The following PXN variants were observed in gnomAD, a reference collection of about 807,000 sequenced individuals.
The protein encoded by PXN is paxillin.
A neutral mutation model predicts 103.6 loss-of-function variants in PXN; 61 were observed. That is an observed-to-expected ratio of 0.59 (90% CI 0.48 to 0.73). The LOEUF is 0.73. Ranked by LOEUF, PXN falls within the 30% of genes least tolerant of loss-of-function variation. The pLI is 0.00. For synonymous variants in PXN, 562 were observed against 607.8 expected (o/e 0.92, Z 1.11); for missense variants, 1,274 against 1,460.3 (o/e 0.87, Z 2.08).
At chr12:120,257,005 G>T (rs1217663307) in intron 1 of PXN, among the ~76,000 whole-genome samples, 2 of 152,184 alleles carry the variant, frequency 1.3e-5, no homozygotes, top group Non-Finnish European at 2.9e-5. Context: ...ACAGGCATGA[G>T]CCACCGCGCC....
intron 1 of PXN, among the ~76,000 whole-genome samples, chr12:120,244,964 C>T (rs991428118): frequency 6.6e-6 from 1 of 152,040 alleles, no homozygotes; most frequent in African/African-American, 2.4e-5. Context: ...GCCTATCTGG[C>T]TTCCTTTGTG....
chr12:120,262,459 T>C (rs1425303054), intron 1 of PXN, among the ~76,000 whole-genome samples: 1 of 152,208 alleles, frequency 6.6e-6, no homozygotes, highest in Non-Finnish European at 1.5e-5. Context: ...CTTATGATGA[T>C]TAAGATAACC....
intron 1 of PXN, among the ~76,000 whole-genome samples, chr12:120,243,286 G>T (rs185629105): frequency 6.1e-4 from 93 of 152,282 alleles, no homozygotes; most frequent in Non-Finnish European, 1.2e-3. Flanking sequence ...AAAAAGCAAC[G>T]TGTTGCTTTT....
At chr12:120,238,838 T>TGAAGGAAGTA (rs1889617176) in intron 1 of PXN, among the ~76,000 whole-genome samples, 1 of 152,180 alleles carries the variant, frequency 6.6e-6, no homozygotes, top group Non-Finnish European at 1.5e-5. Context: ...CCATCATTCC[T>TGAAGGAAGTA]CCTTCAGGCA....
chr12:120,215,082 C>A lies in PXN; in HGVS notation c.2574+21G>T. 1 of 1,590,748 alleles carries A rather than the reference C, an allele frequency of 6.3e-7. No homozygotes were observed. The highest frequency in any genetic ancestry group is 1.7e-5 in the Admixed American group (1 of 58,548). On this transcript the variant is annotated intron_variant, in intron 11 of 14. Transcript: ENST00000637617. This position sits in a 1 kb window ranked among gnomAD's most constrained non-coding sequence, Gnocchi z 4.9. ...CTGCAGGAGTCCACTGGCCACACCC[C>A]TGCCCACTCCCCCTCATCACCTGCC...
chr12:120,255,018 T>TAGATGAGAAGGGAGA (rs1222067702), intron 1 of PXN, among the ~76,000 whole-genome samples: 3 of 148,518 alleles, frequency 2.0e-5, no homozygotes, highest in African/African-American at 7.5e-5. Flanking sequence ...GAGAAGGGAG[T>TAGATGAGAAGGGAGA]AGATGAGAAG....
rs781580506 is a variant in PXN at position 120,222,826 on chromosome 12, G to A, written c.493+37C>T. The stretch of plus-strand genomic sequence containing the variant: ...TCTAGAGGTCAGCAGATGGGCCCTG[G>A]GCCCTGGTAGACCCTGCCCCAGGGA... On this transcript the variant is annotated intron_variant, in intron 4 of 14. Coordinates refer to ENST00000637617, the MANE Select transcript of PXN (RefSeq NM_001385981.1). The surrounding 1 kb of genome is among the most constrained non-coding windows in gnomAD (Gnocchi z 4.7). 1.2e-6 allele frequency: 2 copies of A among 1,609,760 alleles called. No individual in the cohort carries two copies. Among genetic ancestry groups the A allele is most frequent in the South Asian group, 1.1e-5 (1 of 90,622 alleles).
chr12:120,223,089 C>A, intron 3 of PXN, 90 bp from the exon 4 acceptor site: 1 of 1,597,442 alleles, frequency 6.3e-7, no homozygotes, highest in Non-Finnish European at 8.6e-7. Context: ...GAGAACAAGG[C>A]AGAGGAGATG....
chr12:120,253,095 C>G (rs1419873012), intron 1 of PXN, among the ~76,000 whole-genome samples: 1 of 151,556 alleles, frequency 6.6e-6, no homozygotes, highest in Non-Finnish European at 1.5e-5. Flanking sequence ...ATTTTGAATA[C>G]CATGCAGACC....
rs377119912 is a variant in PXN, at chr12:120,215,559, C to G, written c.2403+1G>C. The G allele has an allele frequency of 5.4e-5, 86 of 1,584,756 alleles. No individual in the cohort carries two copies. The East Asian group carries it at 1.3e-3, about 24-fold the overall frequency. On this transcript the variant is annotated splice_donor_variant, in intron 10 of 14. Coordinates refer to ENST00000637617, the MANE Select transcript of PXN (RefSeq NM_001385981.1). LOFTEE classifies it high-confidence loss of function. This position sits in a 1 kb window ranked among gnomAD's most constrained non-coding sequence, Gnocchi z 4.9. The stretch of plus-strand genomic sequence containing the variant: ...ACACCCAGCCCAGCCTTGGCACTGA[C>G]CCCTCCCTCGTCCTGCCCTCCGGGG...
At chr12:120,258,632 C>T (rs574663110) in intron 1 of PXN, among the ~76,000 whole-genome samples, 3 of 152,330 alleles carry the variant, frequency 2.0e-5, no homozygotes, top group East Asian at 3.9e-4. Flanking sequence ...TGTCTAAGCA[C>T]ACAGAGAAGT....
intron 1 of PXN, among the ~76,000 whole-genome samples, chr12:120,238,995 C>T (rs1228490705): frequency 6.6e-6 from 1 of 152,196 alleles, no homozygotes; most frequent in African/African-American, 2.4e-5. Flanking sequence ...AGCTAGGGAA[C>T]TTCTGACGGG....
At chr12:120,223,427 G>A (rs1885846493) in intron 3 of PXN, among the ~76,000 whole-genome samples, 1 of 151,156 alleles carries the variant, frequency 6.6e-6, no homozygotes, top group Admixed American at 6.6e-5. Flanking sequence ...GAGTGACAGA[G>A]CGAGACCCCG....
In PXN at chr12:120,223,793, G is replaced by T. The variant is rs1362888995; in HGVS notation, c.281C>A (p.Thr94Asn). The change falls in exon 3 of 15, where the codon ACT becomes AAT. Residue 94 changes from threonine to asparagine, a missense_variant. Thr to Asn is a moderately conservative substitution (Grantham distance 65). Coordinates refer to ENST00000637617, the MANE Select transcript of PXN (RefSeq NM_001385981.1). ...GTCCTGAGGGTTGGAGACACTGGAAGTTTTGGCACTGGAGCCGTACACAGG... is the reference window on the plus strand; with the variant it reads ...GTCCTGAGGGTTGGAGACACTGGAATTTTTGGCACTGGAGCCGTACACAGG... ...SSPVYGSSAK[T>N]SSVSNPQDSV... The T allele has an allele frequency of 1.2e-6, 2 of 1,610,510 alleles. No individual in the cohort carries two copies. The highest frequency in any genetic ancestry group is 2.2e-5 in the East Asian group (1 of 44,764).
chr12:120,226,673 G>A (rs1020907286), intron 1 of PXN: 9 of 1,155,492 alleles, frequency 7.8e-6, no homozygotes, highest in Middle Eastern at 7.8e-4. Context: ...TGAAGTATTG[G>A]TGAGAGGATG....
chr12:120,215,267 C>T lies in PXN; in HGVS notation c.2410G>A (p.Ala804Thr). 6.3e-7 allele frequency: 1 copy of T among 1,585,748 alleles called. No homozygotes were observed. ...GAGCTGCTCCCTGTCTTCCCCTGGG[C>T]CATGAACTGTGGACACGGAGGGGGC... ...PGGQDEGGFM[A>T]QGKTGSSSPP... The change falls in exon 11 of 15, where the codon GCC becomes ACC. Residue 804 changes from alanine to threonine, a missense_variant. Ala to Thr is a moderately conservative substitution (Grantham distance 58). Coordinates refer to ENST00000637617, the MANE Select transcript of PXN (RefSeq NM_001385981.1). The surrounding 1 kb of genome is among the most constrained non-coding windows in gnomAD (Gnocchi z 4.9).
chr12:120,219,887 G>T lies in PXN; in HGVS notation c.1036C>A (p.Pro346Thr). The change falls in exon 7 of 15, where the codon CCC becomes ACC. Residue 346 changes from proline to threonine, a missense_variant. Around this residue, in one of 2 missense-constraint regions of PXN, gnomAD observed 1,178 missense variants for 1,309.0 expected, o/e 0.90. Transcript: ENST00000637617. This position sits in a 1 kb window ranked among gnomAD's most constrained non-coding sequence, Gnocchi z 6.5. ...AGACCAGCCAAATCAAGCCAGCTGGGGGCTACAGGAGGTAGAAGGCCTCGT... is the reference window on the plus strand; with the variant it reads ...AGACCAGCCAAATCAAGCCAGCTGGTGGCTACAGGAGGTAGAAGGCCTCGT... ...SGRGLLPPVA[P>T]SWLDLAGLGV... The T allele has an allele frequency of 6.3e-7, 1 of 1,598,440 alleles. No individual in the cohort carries two copies.
At chr12:120,259,348 C>T (rs1030933394) in intron 1 of PXN, among the ~76,000 whole-genome samples, 26 of 150,648 alleles carry the variant, frequency 1.7e-4, no homozygotes, top group Non-Finnish European at 2.5e-4. Flanking sequence ...GCCAAGATCG[C>T]GCTGCTGCAC....
rs1188914770 is a variant in PXN at position 120,225,057 on chromosome 12, G to A, written c.14-680C>T. The A allele has an allele frequency of 7.7e-6, 2 of 258,760 alleles. No homozygotes were observed. The highest frequency in any genetic ancestry group is 1.6e-5 in the Non-Finnish European group (2 of 126,398). 16.0% of individuals were successfully genotyped at this position (258,760 alleles called of 1,614,324 possible). On this transcript the variant is annotated intron_variant, in intron 1 of 14. Transcript: ENST00000637617. The surrounding 1 kb of genome is among the most constrained non-coding windows in gnomAD (Gnocchi z 4.4). ...CTGCGGAAGTCTGGCAAGCAGCCCG[G>A]CCCCAGAGGCTCCAGGCCCCCACTG...
Sources: gnomAD v4.1 joint callset for allele counts (sites outside exome capture counted in the v4.1 genomes callset) on GRCh38, gnomAD v4.1.1 for gene constraint, gnomAD v4.1.1 regional missense constraint, Gnocchi (gnomAD v3.1) non-coding constraint, MANE v1.5 for transcripts, NCBI Gene and HGNC (gene_info 2026-07-23, HGNC 2026-07-21) for gene names.